EXTL3: variants seen among roughly 807,000 people sequenced by gnomAD.
The protein encoded by EXTL3 is exostosin like glycosyltransferase 3.
Under a neutral mutation model 69.3 loss-of-function variants are expected in EXTL3, and 27 were observed. The observed-to-expected ratio is 0.39, with a 90% CI of 0.29 to 0.54. The LOEUF (loss-of-function observed/expected upper bound fraction) is 0.54, where lower values mean the gene tolerates loss of function less well. Among genes scored for constraint, EXTL3 ranks in the 20% least tolerant of loss-of-function variants. The probability of loss-of-function intolerance (pLI) is 0.69; values close to 1 mark genes in which losing one functional copy is unlikely to be tolerated. For synonymous variants in EXTL3, 511 were observed against 499.4 expected (o/e 1.02, Z -0.31); for missense variants, 1,003 against 1,231.8 (o/e 0.81, Z 2.78).
chr8:28,728,292 GC>G (rs1801456518), intron 3 of EXTL3, among the ~76,000 whole-genome samples: 1 of 152,228 alleles, frequency 6.6e-6, no homozygotes, highest in East Asian at 1.9e-4. Context: ...CCGCCCTTTG[GC>G]GAGTGGAACC....
Position 28,694,978 on chromosome 8 carries a change from T to C in EXTL3, c.-52-18479T>C, listed in dbSNP as rs150285129. 6.7e-3 allele frequency among the ~76,000 whole-genome samples: 1,016 copies of C among 152,136 alleles called. 6 individuals are homozygous for C. The highest frequency in any genetic ancestry group is 0.014 in the Middle Eastern group (4 of 294). On this transcript the variant is annotated intron_variant, in intron 1 of 6. Coordinates refer to the EXTL3 transcript ENST00000523149. ...CAAAACTGAGCTGAGATCACGCCAC[T>C]GCACTTCAGCCTGGGTGGCAGAGTA...
chr8:28,677,296 A>G (rs769459251), intron 1 of EXTL3, among the ~76,000 whole-genome samples: 24 of 151,968 alleles, frequency 1.6e-4, no homozygotes, highest in Non-Finnish European at 8.8e-5. Context: ...TCCTTTTATT[A>G]TTTTTTTAAA....
chr8:28,739,892 G>A (rs1184524369), intron 5 of EXTL3: 1 of 152,084 alleles, frequency 6.6e-6, no homozygotes, highest in Non-Finnish European at 1.5e-5. Context: ...CATACCTTGA[G>A]GATGTACTTA....
At chr8:28,653,553 A>AG (rs1244989983) in intron 1 of EXTL3, among the ~76,000 whole-genome samples, 1 of 152,174 alleles carries the variant, frequency 6.6e-6, no homozygotes, top group African/African-American at 2.4e-5. Flanking sequence ...TATATGGTAT[A>AG]GGGTAAGGGT....
chr8:28,661,143 G>T (rs1807107850), intron 1 of EXTL3, among the ~76,000 whole-genome samples: 1 of 151,916 alleles, frequency 6.6e-6, no homozygotes, highest in East Asian at 1.9e-4. Flanking sequence ...TCGATCTCCT[G>T]ACTTCGTGAT....
intron 3 of EXTL3, among the ~76,000 whole-genome samples, chr8:28,720,763 A>AG (rs367642967): frequency 4.6e-5 from 7 of 152,136 alleles, no homozygotes; most frequent in African/African-American, 1.7e-4. Context: ...TACCAAACAG[A>AG]GGGGCGATGG....
rs748441202 is a variant in EXTL3 at position 28,731,209 on chromosome 8, C to T, written c.2149-14C>T. Reference sequence around the variant, plus strand: ...ACAGCCTTAATTTTTAATGTTTTTCCTTCCTCATCACAGGTGGTCCGTACT... The same window carrying T: ...ACAGCCTTAATTTTTAATGTTTTTCTTTCCTCATCACAGGTGGTCCGTACT... On this transcript the variant is annotated splice_polypyrimidine_tract_variant and intron_variant, in intron 3 of 6. Transcript: ENST00000220562. The T allele has an allele frequency of 8.1e-6, 13 of 1,614,130 alleles. No homozygotes were observed. Among genetic ancestry groups the T allele is most frequent in the Non-Finnish European group, 1.1e-5 (13 of 1,180,024 alleles).
In EXTL3 at chr8:28,717,749, G is replaced by A. The variant is rs1335709769; in HGVS notation, c.1690G>A (p.Asp564Asn). ...PHRSGKAAGTDPNMADNGDLD... is the reference protein window; with the variant it reads ...PHRSGKAAGTNPNMADNGDLD... ...CCGTTCAGGCAAGGCGGCTGGAACT[G>A]ACCCCAACATGGCTGACAACGGGGA... Residue 564 changes from aspartate to asparagine, a missense_variant, in exon 3 of 7, where the codon GAC becomes AAC. Coordinates refer to ENST00000220562, the MANE Select transcript of EXTL3 (RefSeq NM_001440.4). The surrounding 1 kb of genome is among the most constrained non-coding windows in gnomAD (Gnocchi z 8.3). 6.2e-7 allele frequency: 1 copy of A among 1,614,248 alleles called. No individual in the cohort carries two copies. Among genetic ancestry groups the A allele is most frequent in the East Asian group, 2.2e-5 (1 of 44,892 alleles).
chr8:28,749,476 G>A lies in EXTL3; in HGVS notation c.2551-1181G>A, dbSNP rs892441427. Among the ~76,000 whole-genome samples the A allele has an allele frequency of 5.9e-5, 9 of 152,254 alleles. No homozygotes were observed. The East Asian group carries it at 7.7e-4, about 13-fold the overall frequency. ...TCTTCCCCATCTTTCTTTGTGAGGC[G>A]TCCACCCCTCCCTGCTCCCCTCCAT... On this transcript the variant is annotated intron_variant, in intron 6 of 6. Transcript: ENST00000220562.
At chr8:28,650,887 C>G (rs1202521465) in intron 1 of EXTL3, among the ~76,000 whole-genome samples, 6 of 151,840 alleles carry the variant, frequency 4.0e-5, no homozygotes, top group Non-Finnish European at 7.4e-5. Context: ...TTCAAATTTA[C>G]TTCTTGTTAT....
At chr8:28,614,044 T>G (rs1379949848) in intron 2 of EXTL3, among the ~76,000 whole-genome samples, 1 of 151,982 alleles carries the variant, frequency 6.6e-6, no homozygotes, top group Admixed American at 6.6e-5. Context: ...GAGCCCAGGC[T>G]GGTCTCAAAC....
intron 4 of EXTL3, among the ~76,000 whole-genome samples, chr8:28,737,189 A>C (rs1230274320): frequency 6.6e-6 from 1 of 152,154 alleles, no homozygotes; most frequent in East Asian, 1.9e-4. Flanking sequence ...TATTGTATAT[A>C]CCCCATTCTG....
Position 28,750,006 on chromosome 8 carries a change from CCT to C in EXTL3, c.2551-650_2551-649del, listed in dbSNP as rs1801970377. ...TTTCATTTCTTATTACAGGCTCTGCCCTGTATTTAAAGAGATGGTTTATGTAT... is the reference window on the plus strand; with the variant it reads ...TTTCATTTCTTATTACAGGCTCTGCCGTATTTAAAGAGATGGTTTATGTAT... On this transcript the variant is annotated intron_variant, in intron 6 of 6. Transcript: ENST00000220562. This position sits in a 1 kb window ranked among gnomAD's most constrained non-coding sequence, Gnocchi z 5.2. 6.6e-6 allele frequency among the ~76,000 whole-genome samples: 1 copy of C among 152,124 alleles called. No individual in the cohort carries two copies. Among genetic ancestry groups the C allele is most frequent in the African/African-American group, 2.4e-5 (1 of 41,406 alleles).
chr8:28,723,113 C>T (rs1317589308), intron 3 of EXTL3, among the ~76,000 whole-genome samples: 2 of 152,166 alleles, frequency 1.3e-5, no homozygotes, highest in African/African-American at 4.8e-5. Flanking sequence ...TGTTGGTAAG[C>T]TGTATTTTTT....
At chr8:28,679,729 T>TAA (rs33956566) in intron 1 of EXTL3, among the ~76,000 whole-genome samples, 1 of 140,672 alleles carries the variant, frequency 7.1e-6, no homozygotes, top group East Asian at 2.1e-4. Context: ...CCCTACCTCT[T>TAA]AAAAAAAAAA....
intron 1 of EXTL3, among the ~76,000 whole-genome samples, chr8:28,691,019 A>ATG (rs1464887777): frequency 6.6e-6 from 1 of 152,114 alleles, no homozygotes; most frequent in East Asian, 1.9e-4. Flanking sequence ...CTTAATATAT[A>ATG]TGTGTGTTGT....
rs1194319471 is a variant in EXTL3, at chr8:28,623,871, A to G, written c.-53+1061A>G. Among the ~76,000 whole-genome samples the G allele has an allele frequency of 6.6e-6, 1 of 152,216 alleles. No individual in the cohort carries two copies. The highest frequency in any genetic ancestry group is 1.5e-5 in the Non-Finnish European group (1 of 68,034). On this transcript the variant is annotated intron_variant, in intron 1 of 6. Coordinates refer to the EXTL3 transcript ENST00000523149. This position sits in a 1 kb window ranked among gnomAD's most constrained non-coding sequence, Gnocchi z 4.2. ...GCTCGTAAAAGGCAGCAGATGGGAA[A>G]TCAGGCAAGCTTGGTTTTAAAACGT...
At chr8:28,673,316 G>T (rs773343720) in intron 1 of EXTL3, among the ~76,000 whole-genome samples, 7 of 152,188 alleles carry the variant, frequency 4.6e-5, no homozygotes, top group Non-Finnish European at 8.8e-5. Context: ...TTCCTGATGT[G>T]TCTTTGCGGG....
At chr8:28,682,807 T>C (rs1807512202) in intron 1 of EXTL3, among the ~76,000 whole-genome samples, 1 of 152,170 alleles carries the variant, frequency 6.6e-6, no homozygotes, top group East Asian at 1.9e-4. Flanking sequence ...GCCTGTGTTT[T>C]AGGGTCATAT....
Sources: gnomAD v4.1 joint callset for allele counts (sites outside exome capture counted in the v4.1 genomes callset) on GRCh38, gnomAD v4.1.1 for gene constraint, Gnocchi (gnomAD v3.1) non-coding constraint, MANE v1.5 for transcripts, NCBI Gene and HGNC (gene_info 2026-07-23, HGNC 2026-07-21) for gene names.